VTI1A: variants seen among roughly 807,000 people sequenced by gnomAD.
VTI1A encodes the protein vesicle transport through interaction with t-SNAREs homolog 1A.
In VTI1A, 22 loss-of-function variants were observed where a neutral mutation model predicts 34.9. The observed-to-expected ratio is 0.63, with a 90% confidence interval of 0.45 to 0.90. The LOEUF is 0.90. VTI1A is among the 40% of genes least tolerant of loss of function. The pLI, the probability that VTI1A is intolerant of heterozygous loss-of-function variation, is 0.00. For synonymous variants in VTI1A, 87 were observed against 97.3 expected, an observed-to-expected ratio of 0.89 and a Z score of 0.62; for missense variants, 268 against 275.6, an observed-to-expected ratio of 0.97 and a Z score of 0.20.
chr10:112,768,078 C>T (rs1219172092), intron 7 of VTI1A, among the ~76,000 whole-genome samples: 1 of 152,224 alleles, frequency 6.6e-6, no homozygotes, highest in African/African-American at 2.4e-5. Context: ...CCTCTCTGTC[C>T]CTGCCCCGCA....
At chr10:112,712,521 T>C (rs186003533) in intron 7 of VTI1A, among the ~76,000 whole-genome samples, 60 of 145,242 alleles carry the variant, frequency 4.1e-4, no homozygotes, top group Admixed American at 1.4e-3. Flanking sequence ...CATTAAATGA[T>C]ATAAATCTAG....
At chr10:112,832,905 G>C in the VTI1A span, among the ~76,000 whole-genome samples, 3 of 152,172 alleles carry the variant, frequency 2.0e-5, no homozygotes. Context: ...AGGCAGTGGG[G>C]CTTTGGCAGG....
chr10:112,563,245 A>G (rs903661675), intron 5 of VTI1A, among the ~76,000 whole-genome samples: 1 of 152,186 alleles, frequency 6.6e-6, no homozygotes, highest in African/African-American at 2.4e-5. Context: ...AGTATTACAG[A>G]CAAAGTATTT....
intron 7 of VTI1A, among the ~76,000 whole-genome samples, chr10:112,669,398 T>A (rs998928010): frequency 1.3e-5 from 2 of 152,328 alleles, no homozygotes; most frequent in South Asian, 2.1e-4. Flanking sequence ...CTCTGTTGCC[T>A]TGTTTTCATT....
At chr10:112,805,901 G>A (rs1024927182) in intron 7 of VTI1A, among the ~76,000 whole-genome samples, 1 of 152,196 alleles carries the variant, frequency 6.6e-6, no homozygotes, top group Non-Finnish European at 1.5e-5. Flanking sequence ...TGTTGTTGAA[G>A]CCGCCCAGTC....
Position 112,460,513 on chromosome 10 carries a change from G to T in VTI1A, c.95-11G>T, listed in dbSNP as rs573544726. 57 of 1,593,460 alleles carry T rather than the reference G, an allele frequency of 3.6e-5. No individual in the cohort carries two copies. In the Middle Eastern group the frequency reaches 1.3e-3, roughly 35 times the overall value. On this transcript the variant is annotated splice_polypyrimidine_tract_variant and intron_variant, in intron 1 of 7. Coordinates refer to ENST00000393077, the MANE Select transcript of VTI1A (RefSeq NM_145206.4). Reference sequence around the variant, plus strand: ...TCTTTAGCAATTTCTTGGTATTATTGTTTGTTTCAGATGAAAAGAAACAGA... The same window carrying T: ...TCTTTAGCAATTTCTTGGTATTATTTTTTGTTTCAGATGAAAAGAAACAGA...
At position 112,606,086 on chromosome 10, in the gene VTI1A, G is replaced by A. The variant is rs139014656; in HGVS notation, c.428-62132G>A. Among the ~76,000 whole-genome samples, 933 of 150,166 alleles carry A rather than the reference G, an allele frequency of 6.2e-3. 14 individuals carry two copies. The highest frequency in any genetic ancestry group is 0.022 in the African/African-American group (900 of 40,664). ...GTTGCCCAGGCTGGAGTGCAATGGC[G>A]TGATCTCGGCTCACCACAACCTCCT... On this transcript the variant is annotated intron_variant, in intron 5 of 7. Transcript: ENST00000393077.
At chr10:112,689,006 T>G (rs1417378004) in intron 7 of VTI1A, among the ~76,000 whole-genome samples, 1 of 152,164 alleles carries the variant, frequency 6.6e-6, no homozygotes, top group Non-Finnish European at 1.5e-5. Flanking sequence ...TCCTTAGAGC[T>G]CCTCAGCCTG....
At position 112,737,328 on chromosome 10, in the gene VTI1A, G is replaced by C. The variant is rs973855207; in HGVS notation, c.560+68330G>C. The C allele has an allele frequency of 4.9e-6, 5 of 1,020,656 alleles. No individual in the cohort carries two copies. The African/African-American group carries it at 8.6e-5, about 18-fold the overall frequency. The allele number at this position is 1,020,656 out of a possible 1,614,324, so 63.2% of individuals were successfully genotyped here. A position where few individuals can be genotyped will look rare whatever the true frequency, so the allele number is the denominator to read the frequency against. On this transcript the variant is annotated intron_variant, in intron 7 of 7. Coordinates refer to ENST00000393077, the MANE Select transcript of VTI1A (RefSeq NM_145206.4). Reference sequence around the variant, plus strand: ...CGATCTCTTAACCTTGTGAGCCACCGTGCCCAACCCTAACAATTATTTTTA... The same window carrying C: ...CGATCTCTTAACCTTGTGAGCCACCCTGCCCAACCCTAACAATTATTTTTA...
chr10:112,452,341 G>A (rs537503603), intron 1 of VTI1A, among the ~76,000 whole-genome samples: 2 of 152,234 alleles, frequency 1.3e-5, no homozygotes, highest in East Asian at 1.9e-4. Flanking sequence ...AGGCCAAGGC[G>A]GGCAGATCAC....
intron 7 of VTI1A, among the ~76,000 whole-genome samples, chr10:112,793,190 G>A (rs770123011): frequency 2.0e-5 from 3 of 152,196 alleles, no homozygotes; most frequent in African/African-American, 7.2e-5. Context: ...GGTAACCGGA[G>A]GAAGATTAGC....
chr10:112,593,894 G>A (rs1376938807), intron 5 of VTI1A, among the ~76,000 whole-genome samples: 1 of 112,634 alleles, frequency 8.9e-6, no homozygotes, highest in Non-Finnish European at 1.8e-5. Flanking sequence ...CCGCCACCAC[G>A]CCCGGCTAAT....
At chr10:112,469,595 C>G (rs1589802227) in intron 3 of VTI1A, among the ~76,000 whole-genome samples, 1 of 152,142 alleles carries the variant, frequency 6.6e-6, no homozygotes, top group East Asian at 1.9e-4. Flanking sequence ...TTGAGTAGCC[C>G]TACTTTTATG....
intron 4 of VTI1A, among the ~76,000 whole-genome samples, chr10:112,531,061 C>CCCCACACACACACACACA (rs748909123): frequency 1.1e-5 from 1 of 90,240 alleles, no homozygotes; most frequent in Non-Finnish European, 2.5e-5. Flanking sequence ...ACGTGACACA[C>CCCCACACACACACACACA]CTCACACACA....
intron 5 of VTI1A, among the ~76,000 whole-genome samples, chr10:112,561,393 T>G (rs956907694): frequency 3.3e-5 from 5 of 152,198 alleles, no homozygotes; most frequent in African/African-American, 9.6e-5. Context: ...ATCATTGGAA[T>G]ATAATGTTTG....
intron 3 of VTI1A, among the ~76,000 whole-genome samples, chr10:112,507,343 C>T (rs1849466295): frequency 1.3e-5 from 2 of 152,192 alleles, no homozygotes; most frequent in African/African-American, 4.8e-5. Context: ...ATTCTCCAGT[C>T]ATGCTCCTGG....
rs566805153 is a variant in VTI1A at position 112,611,037 on chromosome 10, CT to C, written c.428-57178del. Among the ~76,000 whole-genome samples the C allele has an allele frequency of 2.9e-3, 441 of 152,242 alleles. 6 individuals carry two copies. Among genetic ancestry groups the C allele is most frequent in the African/African-American group, 9.8e-3 (407 of 41,544 alleles). ...GTTGTTGTCAGGCAGATTTTTGCTA[CT>C]TTCTTAATACCAAATTTTCTTATGT... is the stretch of plus-strand genomic sequence containing the variant. On this transcript the variant is annotated intron_variant, in intron 5 of 7. Transcript: ENST00000393077.
intron 7 of VTI1A, among the ~76,000 whole-genome samples, chr10:112,777,971 G>T (rs773231850): frequency 1.3e-5 from 2 of 152,092 alleles, no homozygotes; most frequent in East Asian, 1.9e-4. Context: ...GCATGGTGGC[G>T]CATGCATGTA....
intron 3 of VTI1A, among the ~76,000 whole-genome samples, chr10:112,498,642 G>T (rs1849112719): frequency 6.6e-6 from 1 of 152,056 alleles, no homozygotes; most frequent in Admixed American, 6.6e-5. Context: ...AAAGATTGTG[G>T]GATACATTCA....
Sources: gnomAD v4.1 joint callset for allele counts (sites outside exome capture counted in the v4.1 genomes callset) on GRCh38, gnomAD v4.1.1 for gene constraint, MANE v1.5 for transcripts, NCBI Gene and HGNC (gene_info 2026-07-23, HGNC 2026-07-21) for gene names.